Variants in ZNF385D observed in about 807,000 individuals in gnomAD.
ZNF385D encodes zinc finger protein 659.
ZNF385D carries 15 observed loss-of-function variants against 35.8 expected under a neutral mutation model. The ratio of observed to expected loss-of-function variants is 0.42; its 90% confidence interval spans 0.28 to 0.64. ZNF385D has a LOEUF of 0.64. Among genes scored for constraint, ZNF385D ranks in the 30% least tolerant of loss-of-function variants. The probability of loss-of-function intolerance (pLI) is 0.23; values close to 1 mark genes in which losing one functional copy is unlikely to be tolerated. For missense variants in ZNF385D, 474 were observed against 494.6 expected (o/e 0.96, Z 0.39); for synonymous variants, 212 against 186.8 (o/e 1.13, Z -1.10).
chr3:21,587,469 C>T (rs1192314510), intron 2 of ZNF385D, among the ~76,000 whole-genome samples: 1 of 151,998 alleles, frequency 6.6e-6, no homozygotes, highest in Non-Finnish European at 1.5e-5. Context: ...ATTTGGGTAA[C>T]TGAATGAATA....
At chr3:22,199,968 G>A (rs538623601) in intron 2 of ZNF385D, among the ~76,000 whole-genome samples, 8 of 151,868 alleles carry the variant, frequency 5.3e-5, no homozygotes, top group Admixed American at 1.3e-4. Flanking sequence ...TTACCTGCTG[G>A]ATTTATTTAA....
At chr3:21,701,392 G>A (rs975490276) in intron 1 of ZNF385D, among the ~76,000 whole-genome samples, 2 of 152,070 alleles carry the variant, frequency 1.3e-5, no homozygotes. Flanking sequence ...AGAATAGCAC[G>A]GGAAAGACTG....
chr3:21,840,370 C>G (rs939296887), intron 3 of ZNF385D, among the ~76,000 whole-genome samples: 2 of 152,166 alleles, frequency 1.3e-5, no homozygotes, highest in East Asian at 3.9e-4. Flanking sequence ...TTTTCTACCC[C>G]TCAGAGGGCT....
intron 2 of ZNF385D, among the ~76,000 whole-genome samples, chr3:22,246,167 T>C (rs1186906764): frequency 6.6e-6 from 1 of 152,200 alleles, no homozygotes; most frequent in Non-Finnish European, 1.5e-5. Context: ...ATTTTAATAC[T>C]TCACACAAGA....
intron 3 of ZNF385D, among the ~76,000 whole-genome samples, chr3:21,865,856 A>C (rs1054137732): frequency 6.6e-6 from 1 of 152,162 alleles, no homozygotes; most frequent in African/African-American, 2.4e-5. Context: ...TAAATGCAAT[A>C]TAAATATTGT....
At chr3:21,871,934 T>A (rs1697713103) in intron 3 of ZNF385D, among the ~76,000 whole-genome samples, 1 of 151,858 alleles carries the variant, frequency 6.6e-6, no homozygotes, top group Non-Finnish European at 1.5e-5. Context: ...GAGGTGGAGG[T>A]TGCAGTGAGC....
intron 2 of ZNF385D, among the ~76,000 whole-genome samples, chr3:22,340,625 G>A (rs956966824): frequency 6.6e-6 from 1 of 152,084 alleles, no homozygotes; most frequent in Non-Finnish European, 1.5e-5. Flanking sequence ...CAGCATCGGT[G>A]ACAGAGTGAG....
chr3:22,351,445 G>A (rs954454627), intron 2 of ZNF385D, among the ~76,000 whole-genome samples: 1 of 152,072 alleles, frequency 6.6e-6, no homozygotes, highest in African/African-American at 2.4e-5. Flanking sequence ...AAGTTAACAA[G>A]CATAATTACT....
intron 3 of ZNF385D, among the ~76,000 whole-genome samples, chr3:22,089,155 G>A (rs1168727409): frequency 3.9e-5 from 6 of 152,152 alleles, no homozygotes; most frequent in Non-Finnish European, 8.8e-5. Context: ...TGTTCAAAGA[G>A]AAGGCATGGC....
chr3:21,584,459 ACTT>A (rs889467028), intron 2 of ZNF385D, among the ~76,000 whole-genome samples: 9 of 152,222 alleles, frequency 5.9e-5, no homozygotes, highest in African/African-American at 1.4e-4. Context: ...ACAGAATTAG[ACTT>A]CTTTTTTACA....
chr3:21,765,662 G>A (rs1325538048), intron 3 of ZNF385D, among the ~76,000 whole-genome samples: 2 of 151,576 alleles, frequency 1.3e-5, no homozygotes, highest in Non-Finnish European at 2.9e-5. Flanking sequence ...AATAGAAAGA[G>A]GAAGAAATAG....
chr3:22,300,645 T>G (rs533730651), intron 2 of ZNF385D, among the ~76,000 whole-genome samples: 1 of 152,126 alleles, frequency 6.6e-6, no homozygotes, highest in East Asian at 1.9e-4. Flanking sequence ...AATAGACATT[T>G]TTCTAAAGAA....
chr3:22,240,201 A>AAAG (rs1553635046), intron 2 of ZNF385D, among the ~76,000 whole-genome samples: 10,500 of 120,818 alleles, frequency 0.087, 2,098 homozygotes, highest in African/African-American at 0.28. Context: ...AAAAAAAAAA[A>AAAG]AAGATTTCAG....
chr3:21,948,731 T>C (rs1701916133), intron 3 of ZNF385D, among the ~76,000 whole-genome samples: 1 of 152,186 alleles, frequency 6.6e-6, no homozygotes, highest in African/African-American at 2.4e-5. Context: ...TGTCACTTTT[T>C]TCTCAATTTC....
At chr3:22,031,711 G>A in intron 3 of ZNF385D, among the ~76,000 whole-genome samples, 1 of 152,004 alleles carries the variant, frequency 6.6e-6, no homozygotes, top group East Asian at 1.9e-4. Flanking sequence ...ATTAACATTT[G>A]CCTTCTTGTT....
At chr3:21,803,598 A>G (rs1242358291) in intron 3 of ZNF385D, among the ~76,000 whole-genome samples, 2 of 152,216 alleles carry the variant, frequency 1.3e-5, no homozygotes, top group African/African-American at 4.8e-5. Flanking sequence ...AAACTGGATG[A>G]AATATCCATA....
intron 4 of ZNF385D, among the ~76,000 whole-genome samples, chr3:21,440,622 A>T (rs986145139): frequency 2.0e-5 from 3 of 152,152 alleles, no homozygotes; most frequent in African/African-American, 4.8e-5. Context: ...ATTAGTTGTG[A>T]TAAATGTACA....
intron 2 of ZNF385D, among the ~76,000 whole-genome samples, chr3:22,272,470 G>A (rs991168189): frequency 6.6e-6 from 1 of 151,900 alleles, no homozygotes; most frequent in Non-Finnish European, 1.5e-5. Flanking sequence ...AGATTTAATC[G>A]TTTAATTACC....
intron 3 of ZNF385D, among the ~76,000 whole-genome samples, chr3:21,810,964 G>C (rs2072893336): frequency 8.0e-6 from 1 of 125,268 alleles, no homozygotes; most frequent in East Asian, 2.3e-4. Flanking sequence ...ACATATGTGT[G>C]TGTATACGTG....
Sources: gnomAD v4.1 joint callset for allele counts (sites outside exome capture counted in the v4.1 genomes callset) on GRCh38, gnomAD v4.1.1 for gene constraint, MANE v1.5 for transcripts, NCBI Gene and HGNC (gene_info 2026-07-23, HGNC 2026-07-21) for gene names.